MEF2C: variants seen among roughly 807,000 people sequenced by gnomAD.
The protein encoded by MEF2C is myocyte-specific enhancer factor 2C.
In MEF2C, 6 loss-of-function variants were observed where a neutral mutation model predicts 50.5. That is an observed-to-expected ratio of 0.12 (90% CI 0.07 to 0.23). The LOEUF (loss-of-function observed/expected upper bound fraction) is 0.23. MEF2C is among the 10% of genes least tolerant of loss of function. The pLI, the probability that MEF2C is intolerant of heterozygous loss-of-function variation, is 1.00. For missense variants in MEF2C, 276 were observed against 605.0 expected (o/e 0.46, Z 5.70); for synonymous variants, 183 against 228.0 (o/e 0.80, Z 1.78).
At chr5:88,854,945 AT>A (rs1357849973) in intron 1 of MEF2C, among the ~76,000 whole-genome samples, 1 of 152,154 alleles carries the variant, frequency 6.6e-6, no homozygotes, top group Non-Finnish European at 1.5e-5. Context: ...ATTCATTCTA[AT>A]TTTAGTATTT....
intron 10 of MEF2C, among the ~76,000 whole-genome samples, chr5:88,724,152 C>A (rs1757556817): frequency 1.3e-5 from 2 of 152,168 alleles, no homozygotes; most frequent in South Asian, 4.2e-4. Flanking sequence ...TACAGACACA[C>A]CCATTTTAAA....
intron 3 of MEF2C, 74 bp downstream of exon 3, chr5:88,804,524 T>C: frequency 7.8e-7 from 1 of 1,289,852 alleles, no homozygotes; most frequent in Non-Finnish European, 1.1e-6. Context: ...GATGTGTGTA[T>C]GTGTGTGTGG....
Position 88,722,005 on chromosome 5 carries a change from C to T in MEF2C, c.*599G>A, listed in dbSNP as rs1459550363. ...TTAATTAAATATGTTAGCCCTCCAA[C>T]TCCACATTTTTTTTTAATAGGTATG... On this transcript the variant is annotated 3_prime_UTR_variant, in exon 11 of 11. Transcript: ENST00000504921. 6.6e-6 allele frequency: 1 copy of T among 152,494 alleles called. No homozygotes were observed. Among genetic ancestry groups the T allele is most frequent in the East Asian group, 1.9e-4 (1 of 5,196 alleles). 9.4% of individuals were successfully genotyped at this position (152,494 alleles called of 1,614,324 possible).
chr5:88,738,377 G>T (rs1222569634), intron 6 of MEF2C: 8 of 984,850 alleles, frequency 8.1e-6, no homozygotes, highest in Non-Finnish European at 9.6e-6. Flanking sequence ...ACTTGTAACT[G>T]CTATGTAAGT....
intron 1 of MEF2C, among the ~76,000 whole-genome samples, chr5:88,879,408 A>T (rs914442616): frequency 1.3e-5 from 2 of 150,656 alleles, no homozygotes; most frequent in African/African-American, 4.9e-5. Flanking sequence ...AATTTGACCA[A>T]TGAACTTTTA....
In MEF2C at chr5:88,721,518, T is replaced by C. The variant is rs1476815380; in HGVS notation, c.*1086A>G. On this transcript the variant is annotated 3_prime_UTR_variant, in exon 11 of 11. Coordinates refer to ENST00000504921, the MANE Select transcript of MEF2C (RefSeq NM_002397.5). ...AACAGAAAGAAAATAGTTACTCAAA[T>C]GTGCAACTGCACAAATATACCCCCC... 6.6e-6 allele frequency: 1 copy of C among 152,628 alleles called. No homozygotes were observed. Among genetic ancestry groups the C allele is most frequent in the Non-Finnish European group, 1.5e-5 (1 of 68,034 alleles). 9.5% of individuals were successfully genotyped at this position (152,628 alleles called of 1,614,324 possible). A position where few individuals can be genotyped will look rare whatever the true frequency, so the allele number is the denominator to read the frequency against.
At chr5:88,830,584 T>C (rs1812645316) in intron 1 of MEF2C, among the ~76,000 whole-genome samples, 1 of 152,076 alleles carries the variant, frequency 6.6e-6, no homozygotes, top group Non-Finnish European at 1.5e-5. Flanking sequence ...AATAGCATTC[T>C]CTATTCCCAT....
At position 88,736,470 on chromosome 5, in the gene MEF2C, C is replaced by T. The variant is rs1456733550; in HGVS notation, c.638-4569G>A. On this transcript the variant is annotated intron_variant, in intron 6 of 10. Coordinates refer to ENST00000504921, the MANE Select transcript of MEF2C (RefSeq NM_002397.5). ...GATTGCGCCACTGCAGTCCGCAGTC[C>T]GACCTGGGCGACAGAGCGAGACTCC... is the stretch of plus-strand genomic sequence containing the variant. Among the ~76,000 whole-genome samples the T allele has an allele frequency of 3.3e-5, 4 of 120,970 alleles. 1 individual carries two copies. In the Admixed American group the frequency reaches 3.6e-4, roughly 11 times the overall value. The allele number at this position is 120,970 out of a possible 152,430, so 79.4% of individuals were successfully genotyped here.
chr5:88,737,689 C>T, intron 6 of MEF2C: 1 of 985,270 alleles, frequency 1.0e-6, no homozygotes, highest in Non-Finnish European at 1.2e-6. Context: ...AGAAGGAATG[C>T]AGGACAGAGA....
At chr5:88,827,472 C>A (rs377284651) in intron 1 of MEF2C, among the ~76,000 whole-genome samples, 1 of 151,950 alleles carries the variant, frequency 6.6e-6, no homozygotes, top group African/African-American at 2.4e-5. Context: ...TGAGCAGAAC[C>A]GTCTGAGTGT....
chr5:88,813,949 A>G (rs1804072617), intron 2 of MEF2C, among the ~76,000 whole-genome samples: 1 of 151,974 alleles, frequency 6.6e-6, no homozygotes, highest in Non-Finnish European at 1.5e-5. Flanking sequence ...CGGCTACTCC[A>G]CCTCATCCCC....
At chr5:88,773,065 C>T (rs990673149) in intron 3 of MEF2C, among the ~76,000 whole-genome samples, 26 of 152,206 alleles carry the variant, frequency 1.7e-4, no homozygotes, top group African/African-American at 5.8e-4. Context: ...AAGTCACAGC[C>T]GCCTGTGGCT....
chr5:88,858,326 G>T (rs1454325409), intron 1 of MEF2C, among the ~76,000 whole-genome samples: 1 of 152,042 alleles, frequency 6.6e-6, no homozygotes, highest in East Asian at 1.9e-4. Context: ...TATATTCAAG[G>T]TACTTTTCCA....
In MEF2C at chr5:88,742,819, G is replaced by A. The variant is rs374500205; in HGVS notation, c.637+6251C>T. The A allele has an allele frequency of 1.7e-5, 17 of 985,066 alleles. No individual in the cohort carries two copies. The South Asian group carries it at 6.6e-4, about 38-fold the overall frequency. 61.0% of individuals were successfully genotyped at this position (985,066 alleles called of 1,614,324 possible). On this transcript the variant is annotated intron_variant, in intron 6 of 10. Coordinates refer to ENST00000504921, the MANE Select transcript of MEF2C (RefSeq NM_002397.5). Reference sequence around the variant, plus strand: ...TATAATTTGCTTGGTTTTGTATATGGAAAGTGAACACTGATTTTCTTGGCA... The same window carrying A: ...TATAATTTGCTTGGTTTTGTATATGAAAAGTGAACACTGATTTTCTTGGCA...
At chr5:88,789,921 TATTG>T (rs938562947) in intron 3 of MEF2C, among the ~76,000 whole-genome samples, 3 of 152,252 alleles carry the variant, frequency 2.0e-5, no homozygotes, top group Admixed American at 6.5e-5. Context: ...CAGAATGTCC[TATTG>T]ATTATTTTGA....
chr5:88,894,839 G>T (rs1039796017), intron 1 of MEF2C, among the ~76,000 whole-genome samples: 4 of 152,100 alleles, frequency 2.6e-5, no homozygotes, highest in Non-Finnish European at 4.4e-5. Context: ...TAAACAGCAT[G>T]GGAAATGTTC....
chr5:88,771,674 A>G (rs1185280245), intron 3 of MEF2C: 2 of 914,912 alleles, frequency 2.2e-6, no homozygotes, highest in East Asian at 1.2e-4. Flanking sequence ...ATAAGCAAAC[A>G]AACTTGACAG....
At chr5:88,727,846 A>G (rs1187450729) in intron 10 of MEF2C, among the ~76,000 whole-genome samples, 1 of 152,116 alleles carries the variant, frequency 6.6e-6, no homozygotes, top group Non-Finnish European at 1.5e-5. Context: ...GAACGTTTCC[A>G]TAGATAAATG....
chr5:88,788,242 G>C (rs961435124), intron 3 of MEF2C, among the ~76,000 whole-genome samples: 3 of 151,988 alleles, frequency 2.0e-5, no homozygotes, highest in Non-Finnish European at 4.4e-5. Context: ...ACCCAGGCTG[G>C]AGTGCTGGAG....
Sources: allele counts gnomAD v4.1 joint callset (sites outside exome capture counted in the v4.1 genomes callset), GRCh38; gene constraint gnomAD v4.1.1; transcripts MANE v1.5; gene names NCBI Gene and HGNC (gene_info 2026-07-23, HGNC 2026-07-21).